The following GPR143 variants were observed in gnomAD, a reference collection of about 807,000 sequenced individuals.
GPR143 encodes the protein G-protein coupled receptor 143.
Under a neutral mutation model 27.6 loss-of-function variants are expected in GPR143, and 8 were observed. The observed-to-expected ratio is 0.29, with a 90% confidence interval of 0.17 to 0.52. GPR143 has a LOEUF of 0.52. Among genes scored for constraint, GPR143 ranks in the 20% least tolerant of loss-of-function variants. The pLI, the probability that GPR143 is intolerant of heterozygous loss-of-function variation, is 0.96. For synonymous variants in GPR143, 156 were observed against 153.2 expected (o/e 1.02, Z -0.13); for missense variants, 303 against 343.1 (o/e 0.88, Z 0.92).
upstream of GPR143, chrX:9,765,941 G>T: frequency 1.4e-6 from 1 of 701,697 alleles, no homozygotes; most frequent in Non-Finnish European, 1.9e-6. Context: ...AACCCCCAGC[G>T]CCTGCAGTAG....
At chrX:9,758,176 G>A (rs189161681) in intron 3 of GPR143, among the ~76,000 whole-genome samples, 22 of 111,551 alleles carry the variant, frequency 2.0e-4, no homozygotes, top group Non-Finnish European at 3.6e-4. Flanking sequence ...AATGCTTCCT[G>A]GATTTGGAGC....
chrX:9,777,268 G>A (rs1023276905), intron 1 of GPR143, among the ~76,000 whole-genome samples: 10 of 112,374 alleles, frequency 8.9e-5, no homozygotes, highest in Non-Finnish European at 1.1e-4. Context: ...TCAGCCAGGC[G>A]TGGTGGCACA....
At chrX:9,747,143 C>G (rs1433693104) in intron 4 of GPR143, among the ~76,000 whole-genome samples, 4 of 108,754 alleles carry the variant, frequency 3.7e-5, no homozygotes, top group Non-Finnish European at 7.6e-5. Context: ...TTATCTTTAG[C>G]TGTAGAGGCT....
chrX:9,757,730 G>A (rs907720561), intron 3 of GPR143, among the ~76,000 whole-genome samples: 1 of 111,043 alleles, frequency 9.0e-6, no homozygotes, highest in African/African-American at 3.3e-5. Context: ...GCTTTAAACA[G>A]GTGACCTTTA....
chrX:9,735,829 G>A (rs1170326287), intron 8 of GPR143, among the ~76,000 whole-genome samples: 2 of 112,114 alleles, frequency 1.8e-5, no homozygotes, highest in African/African-American at 6.5e-5. Flanking sequence ...TGTCTACATA[G>A]GGAGAAGCCC....
intron 6 of GPR143, among the ~76,000 whole-genome samples, chrX:9,742,649 A>G (rs2083409455): frequency 1.8e-5 from 2 of 112,227 alleles, no homozygotes; most frequent in Non-Finnish European, 3.8e-5. Flanking sequence ...CTGTTTTCAA[A>G]GTATCCACCT....
chrX:9,755,635 G>T (rs1179984926), intron 3 of GPR143, among the ~76,000 whole-genome samples: 1 of 110,970 alleles, frequency 9.0e-6, no homozygotes, highest in Non-Finnish European at 1.9e-5. Context: ...CTGATGCCCA[G>T]AATGTAGGTG....
At chrX:9,734,149 G>T (rs2083368836) in intron 8 of GPR143, among the ~76,000 whole-genome samples, 1 of 108,927 alleles carries the variant, frequency 9.2e-6, no homozygotes, top group Admixed American at 9.8e-5. Flanking sequence ...AGAAAAAATA[G>T]AATGGAGAAT....
In GPR143 at chrX:9,755,074, C is replaced by T. The variant is rs1029556533; in HGVS notation, c.455+4258G>A. Among the ~76,000 whole-genome samples the T allele has an allele frequency of 2.7e-4, 30 of 111,670 alleles. 1 individual carries two copies. The highest frequency in any genetic ancestry group is 8.5e-4 in the African/African-American group (26 of 30,768). ...GATGTCATGAGGGCAGCTGCATGCT[C>T]GGCTCACAGAGTCTATTTCCTACCT... On this transcript the variant is annotated intron_variant, in intron 3 of 8. Transcript: ENST00000467482.
chrX:9,743,747 G>T, intron 5 of GPR143, 74 bp from the exon 6 acceptor site: 1 of 648,680 alleles, frequency 1.5e-6, no homozygotes, highest in Non-Finnish European at 2.6e-6. Context: ...GGCAATGGAA[G>T]CAGGTGTGAG....
upstream of GPR143, among the ~76,000 whole-genome samples, chrX:9,770,546 A>G (rs2083551399): frequency 9.1e-6 from 1 of 110,074 alleles, no homozygotes; most frequent in Non-Finnish European, 1.9e-5. Flanking sequence ...TTAGTGGGGC[A>G]GACAAACTTA....
At chrX:9,745,998 G>T in intron 5 of GPR143, 46 bp downstream of exon 5, 1 of 784,209 alleles carries the variant, frequency 1.3e-6, no homozygotes, top group Non-Finnish European at 2.0e-6. Context: ...GAGGCATGGG[G>T]CCGCTCCCAG....
Position 9,771,646 on chromosome X carries a change from A to G in GPR143, c.-2-10820T>C, listed in dbSNP as rs866941385. Among the ~76,000 whole-genome samples the G allele has an allele frequency of 4.1e-4, 45 of 108,953 alleles. 2 individuals carry two copies. Among genetic ancestry groups the G allele is most frequent in the Middle Eastern group, 4.7e-3 (1 of 213 alleles). 94.6% of individuals were successfully genotyped at this position (108,953 alleles called of 115,157 possible). On this transcript the variant is annotated intron_variant, in intron 1 of 7. Coordinates refer to the GPR143 transcript ENST00000447366. ...CAGGCCATATTTGAATTTATGGAGG[A>G]CTTGGTTCAAAATAGATGCAGTAAA...
intron 4 of GPR143, 89 bp from the exon 5 acceptor site, chrX:9,746,242 G>C (rs1321628653): frequency 1.6e-5 from 9 of 565,958 alleles, no homozygotes; most frequent in Admixed American, 1.5e-4. Flanking sequence ...ATAAGAGGAT[G>C]AGAACAAAAA....
chrX:9,746,065 A>G lies in GPR143; in HGVS notation c.637T>C (p.Phe213Leu). The change falls in exon 5 of 9, where the codon TTC (phenylalanine) becomes CTC (leucine). Residue 213 changes from phenylalanine to leucine, a missense_variant. Physicochemically the swap from Phe to Leu is conservative, Grantham distance 22 (BLOSUM62 0). Transcript: ENST00000467482. ...TTACCTGCAGTCACTGTCTTTTGGAACAGGATGGGGTTCGCCACGAGAACC... is the reference window on the plus strand; with the variant it reads ...TTACCTGCAGTCACTGTCTTTTGGAGCAGGATGGGGTTCGCCACGAGAACC... ...LLVLVANPIL[F>L]QKTVTAVASL... 1 of 1,191,661 alleles carries G rather than the reference A, an allele frequency of 8.4e-7. No homozygotes were observed.
At chrX:9,761,544 G>T (rs181411035) in intron 1 of GPR143, among the ~76,000 whole-genome samples, 22 of 112,380 alleles carry the variant, frequency 2.0e-4, no homozygotes, top group African/African-American at 7.1e-4. Flanking sequence ...ATTTTCAGTG[G>T]CCATATTAGT....
At chrX:9,746,934 G>A (rs1440950209) in intron 4 of GPR143, among the ~76,000 whole-genome samples, 2 of 102,819 alleles carry the variant, frequency 1.9e-5, no homozygotes, top group African/African-American at 7.2e-5. Flanking sequence ...ACGGAAGGGG[G>A]AATGACAAAA....
At chrX:9,767,439 C>T (rs1201953821), upstream of GPR143, among the ~76,000 whole-genome samples, 1 of 110,737 alleles carries the variant, frequency 9.0e-6, no homozygotes, top group Non-Finnish European at 1.9e-5. Context: ...TTCTCCCCAC[C>T]AGCTTTGCGG....
Position 9,765,725 on chromosome X carries a change from C to A in GPR143, c.93G>T (p.Ala31=). The change falls in exon 1 of 9, where the codon GCG becomes GCT. Residue 31 remains alanine, a synonymous_variant. Coordinates refer to ENST00000467482, the MANE Select transcript of GPR143 (RefSeq NM_000273.3). ...GGAGCCCGCCGCTGCCCAGGCAGAG[C>A]GCGTGGAAGGCCCGCGGCTGGAAGC... ...VLSFQPRAFH[A]LCLGSGGLRL... 1 of 1,122,165 alleles carries A rather than the reference C, an allele frequency of 8.9e-7. No individual in the cohort carries two copies. Among genetic ancestry groups the A allele is most frequent in the Non-Finnish European group, 1.2e-6 (1 of 856,590 alleles). 92.5% of individuals were successfully genotyped at this position (1,122,165 alleles called of 1,213,427 possible).
Sources: gnomAD v4.1 joint callset for allele counts (sites outside exome capture counted in the v4.1 genomes callset) on GRCh38, gnomAD v4.1.1 for gene constraint, MANE v1.5 for transcripts, NCBI Gene and HGNC (gene_info 2026-07-23, HGNC 2026-07-21) for gene names.